TTC14: variants seen among roughly 807,000 people sequenced by gnomAD.
The protein encoded by TTC14 is tetratricopeptide repeat protein 14.
Under a neutral mutation model 79.9 loss-of-function variants are expected in TTC14, and 63 were observed. The ratio of observed to expected loss-of-function variants is 0.79; its 90% CI spans 0.64 to 0.97. The LOEUF is 0.97. Among genes scored for constraint, TTC14 ranks in the 50% least tolerant of loss-of-function variants. The pLI is 0.00. For missense variants in TTC14, 895 were observed against 894.0 expected (o/e 1.00, Z -0.01); for synonymous variants, 335 against 309.6 (o/e 1.08, Z -0.86).
In TTC14 at chr3:180,611,099, C is replaced by A. The variant is rs912147646; in HGVS notation, c.*557C>A. 2.3e-5 allele frequency: 23 copies of A among 983,706 alleles called. No individual in the cohort carries two copies. In the African/African-American group the frequency reaches 4.0e-4, roughly 17 times the overall value. 60.9% of individuals were successfully genotyped at this position (983,706 alleles called of 1,614,324 possible). ...TATGTCTTAATTTTCCTCTAAAGCC[C>A]AATTTGATTAAAAGTGGTTTGTGAA... On this transcript the variant is annotated 3_prime_UTR_variant, in exon 12 of 12. Coordinates refer to ENST00000296015, the MANE Select transcript of TTC14 (RefSeq NM_133462.4).
chr3:180,605,935 C>T, intron 7 of TTC14, 98 bp downstream of exon 7: 1 of 1,233,928 alleles, frequency 8.1e-7, no homozygotes, highest in Non-Finnish European at 1.1e-6. Context: ...ATTTGAGATG[C>T]ATTAAAGTGA....
downstream of TTC14, chr3:180,614,921 T>G: frequency 6.4e-7 from 1 of 1,557,442 alleles, no homozygotes; most frequent in Non-Finnish European, 8.7e-7. Context: ...ATTAAAATGT[T>G]TATTTGCTGC....
chr3:180,610,509 TGAAAAA>T lies in TTC14; in HGVS notation c.2288_2293del (p.Glu763_Lys764del), dbSNP rs747552785. ...ATATATTTAATCAGATAGCTGAATT[TGAAAAA>T]GAAAAAGGAAATAAGTCAAAAAATT... On this transcript the variant is annotated inframe_deletion, in exon 12 of 12. Transcript: ENST00000296015. 6.8e-5 allele frequency: 107 copies of T among 1,578,800 alleles called. No homozygotes were observed. The highest frequency in any genetic ancestry group is 8.1e-5 in the Non-Finnish European group (95 of 1,169,306).
At position 180,604,257 on chromosome 3, in the gene TTC14, C is replaced by G; in HGVS notation, c.519C>G (p.His173Gln). ...GTCCCTTAAGAGATGTGCCTTCTCA[C>G]AGTAACCATGGGGATCCTTTATCAT... ...ALCPLRDVPS[H>Q]SNHGDPLSYY... Residue 173 changes from histidine (H) to glutamine (Q), a missense_variant, in exon 4 of 12, where the codon CAC (histidine) becomes CAG (glutamine). His to Gln is a conservative substitution (Grantham distance 24). Coordinates refer to ENST00000296015, the MANE Select transcript of TTC14 (RefSeq NM_133462.4). The G allele has an allele frequency of 6.2e-7, 1 of 1,613,630 alleles. No individual in the cohort carries two copies. Among genetic ancestry groups the G allele is most frequent in the Non-Finnish European group, 8.5e-7 (1 of 1,179,752 alleles).
chr3:180,609,826 A>G lies in TTC14; in HGVS notation c.1597A>G (p.Lys533Glu). The change falls in exon 12 of 12, where the codon AAA (lysine) becomes GAA (glutamate). Residue 533 changes from lysine (K) to glutamate (E), a missense_variant. Transcript: ENST00000296015. ...ASSNQIDQNR[K>E]DECYPVPANT... is the part of the protein sequence containing the mutation. ...CTCAAATCAGATAGATCAGAATAGG[A>G]AAGATGAGTGCTACCCAGTTCCAGC... 1 of 1,613,748 alleles carries G rather than the reference A, an allele frequency of 6.2e-7. No homozygotes were observed. The highest frequency in any genetic ancestry group is 1.1e-5 in the South Asian group (1 of 91,000).
chr3:180,613,599 CAG>C (rs747008082), downstream of TTC14, among the ~76,000 whole-genome samples: 2 of 152,120 alleles, frequency 1.3e-5, no homozygotes, highest in African/African-American at 2.4e-5. Flanking sequence ...ATGAGGAAAA[CAG>C]GGAAGTAACT....
In TTC14 at chr3:180,610,451, G is replaced by A. The variant is rs765189047; in HGVS notation, c.2222G>A (p.Ser741Asn). 1 of 1,610,274 alleles carries A rather than the reference G, an allele frequency of 6.2e-7. No homozygotes were observed. Among genetic ancestry groups the A allele is most frequent in the Non-Finnish European group, 8.5e-7 (1 of 1,178,992 alleles). The change falls in exon 12 of 12, where the codon AGT (serine) becomes AAT (asparagine). Residue 741 changes from serine (S) to asparagine (N), a missense_variant. Physicochemically the swap from Ser to Asn is conservative, Grantham distance 46 (BLOSUM62 1). Coordinates refer to ENST00000296015, the MANE Select transcript of TTC14 (RefSeq NM_133462.4). ...AGTAGCAAAGAACACTCAGAAAGCAGTGTTAAGAAAAATTTACCTCAGAAT... is the reference window on the plus strand; with the variant it reads ...AGTAGCAAAGAACACTCAGAAAGCAATGTTAAGAAAAATTTACCTCAGAAT... ...ALSSKEHSESSVKKNLPQNLL... is the reference protein window; with the variant it reads ...ALSSKEHSESNVKKNLPQNLL...
rs1354214438 is a variant in TTC14, at chr3:180,610,295, C to T, written c.2066C>T (p.Ala689Val). The stretch of plus-strand genomic sequence containing the variant: ...TCAGTTGAGAAATACAAAAAATACG[C>T]TCACTCTGGATCACGTGATTTCAGT... ...WKSVEKYKKY[A>V]HSGSRDFSRH... Residue 689 changes from alanine (A) to valine (V), a missense_variant, in exon 12 of 12, where the codon GCT becomes GTT. By Grantham distance (64) the Ala-to-Val change is moderately conservative. Coordinates refer to ENST00000296015, the MANE Select transcript of TTC14 (RefSeq NM_133462.4). 3.1e-6 allele frequency: 5 copies of T among 1,613,490 alleles called. No homozygotes were observed. Among genetic ancestry groups the T allele is most frequent in the East Asian group, 2.2e-5 (1 of 44,854 alleles).
At chr3:180,614,863 A>G, downstream of TTC14, 2 of 1,468,694 alleles carry the variant, frequency 1.4e-6, no homozygotes, top group Non-Finnish European at 1.8e-6. Context: ...GTCGTTTTGT[A>G]TTTTAAAGTA....
In TTC14 at chr3:180,609,700, TC is replaced by T; in HGVS notation, c.1472del (p.Ser491TyrfsTer38). The T allele has an allele frequency of 6.2e-7, 1 of 1,611,592 alleles. No individual in the cohort carries two copies. The highest frequency in any genetic ancestry group is 8.5e-7 in the Non-Finnish European group (1 of 1,179,380). On this transcript the variant is annotated frameshift_variant, in exon 12 of 12. Coordinates refer to ENST00000296015, the MANE Select transcript of TTC14 (RefSeq NM_133462.4). LOFTEE classifies it high-confidence loss of function. ...TTCTGCTGATGAATCAGTGTCTTCA[TC>T]ATCATCCTCTTCCTCTTCTGGTCAC... is the stretch of plus-strand genomic sequence containing the variant. Reference protein sequence around the residue: ...VSSADESVSSSSSSSSSGHKR... With the variant: ...VSSADESVSSXSSSSSSGHKR...
At chr3:180,604,158 A>G in intron 3 of TTC14, 67 bp from the exon 4 acceptor site, 1 of 1,373,654 alleles carries the variant, frequency 7.3e-7, no homozygotes, top group Non-Finnish European at 1.0e-6. Context: ...AACAACTAAG[A>G]TAAAAGAAGA....
Position 180,602,268 on chromosome 3 carries a change from C to G in TTC14, c.7C>G (p.Arg3Gly). The G allele has an allele frequency of 1.9e-6, 3 of 1,613,906 alleles. No individual in the cohort carries two copies. In the South Asian group the frequency reaches 3.3e-5, roughly 18 times the overall value. ...GGCCCTGCATTCTCTAGCCATGGAC[C>G]GGGACCTTTTGCGGCAGTCGCTAAA... The part of the protein sequence containing the change: MD[R>G]DLLRQSLNCH... Residue 3 changes from arginine (R) to glycine (G), a missense_variant, in exon 1 of 12, where the codon CGG becomes GGG. Arg to Gly is a moderately radical substitution (Grantham distance 125). Coordinates refer to ENST00000296015, the MANE Select transcript of TTC14 (RefSeq NM_133462.4).
At chr3:180,618,118 A>G (rs1655308328), downstream of TTC14, among the ~76,000 whole-genome samples, 1 of 152,174 alleles carries the variant, frequency 6.6e-6, no homozygotes, top group African/African-American at 2.4e-5. Flanking sequence ...TAGCCTAGGA[A>G]CAATAGGCTA....
chr3:180,617,648 T>G (rs1717299469), exon 13 of TTC14: 1 of 405,880 alleles, frequency 2.5e-6, no homozygotes, highest in Non-Finnish European at 4.4e-6. Flanking sequence ...AGAAAAATGC[T>G]TAGAGAATAA....
At chr3:180,613,524 G>A (rs1717105471), downstream of TTC14, among the ~76,000 whole-genome samples, 1 of 152,178 alleles carries the variant, frequency 6.6e-6, no homozygotes, top group Non-Finnish European at 1.5e-5. Flanking sequence ...GTCAAGCCCT[G>A]TGCATCTTTT....
chr3:180,618,072 A>G (rs1239354017), downstream of TTC14, among the ~76,000 whole-genome samples: 1 of 152,142 alleles, frequency 6.6e-6, no homozygotes. Context: ...ACAGTTGCCT[A>G]TAGTACTCAG....
intron 11 of TTC14, 138 bp from the exon 12 acceptor site, chr3:180,609,489 TGTA>T: frequency 7.5e-7 from 1 of 1,334,258 alleles, no homozygotes; most frequent in Non-Finnish European, 9.6e-7. Flanking sequence ...AATTAGATCT[TGTA>T]GTAGCCGAGA....
downstream of TTC14, chr3:180,614,994 A>G (rs1403334444): frequency 8.3e-6 from 13 of 1,562,644 alleles, no homozygotes; most frequent in Non-Finnish European, 8.7e-6. Flanking sequence ...AGGGCTGCCT[A>G]CTAGTGAAGA....
At chr3:180,602,598 G>A (rs539481904) in intron 1 of TTC14, 176 bp downstream of exon 1, 4 of 871,940 alleles carry the variant, frequency 4.6e-6, no homozygotes, top group African/African-American at 3.4e-5. Flanking sequence ...TGTGCAATGC[G>A]GGATGCGGGC....
Sources: allele counts gnomAD v4.1 joint callset (sites outside exome capture counted in the v4.1 genomes callset), GRCh38; gene constraint gnomAD v4.1.1; transcripts MANE v1.5; gene names NCBI Gene and HGNC (gene_info 2026-07-23, HGNC 2026-07-21).